MYO18B: variants seen among roughly 807,000 people sequenced by gnomAD.
MYO18B encodes the protein myosin XVIIIB.
In MYO18B, 204 loss-of-function variants were observed where a neutral mutation model predicts 273.0. The ratio of observed to expected loss-of-function variants is 0.75; its 90% CI spans 0.67 to 0.84. MYO18B has a LOEUF of 0.84. Ranked by LOEUF, MYO18B falls within the 40% of genes least tolerant of loss-of-function variation. MYO18B has a pLI of 0.00. For synonymous variants in MYO18B, 1,330 were observed against 1,305.7 expected (o/e 1.02, Z -0.40); for missense variants, 3,212 against 3,287.6 (o/e 0.98, Z 0.56).
intron 12 of MYO18B, among the ~76,000 whole-genome samples, chr22:25,803,171 G>T (rs1490110458): frequency 6.6e-6 from 1 of 151,154 alleles, no homozygotes; most frequent in Non-Finnish European, 1.5e-5. Context: ...CACTGTATTA[G>T]CCAGGATGGT....
At chr22:25,897,225 T>C (rs2091826530) in intron 28 of MYO18B, 1 of 152,244 alleles carries the variant, frequency 6.6e-6, no homozygotes, top group African/African-American at 2.4e-5. Flanking sequence ...CCATTCGATA[T>C]CGGAGCCATA....
At chr22:25,789,283 A>C (rs1404908436) in intron 11 of MYO18B, among the ~76,000 whole-genome samples, 1 of 151,624 alleles carries the variant, frequency 6.6e-6, no homozygotes, top group East Asian at 1.9e-4. Context: ...TACTGAATTT[A>C]TCTCTATTCT....
intron 25 of MYO18B, among the ~76,000 whole-genome samples, chr22:25,886,718 G>A (rs1017004796): frequency 1.3e-5 from 2 of 152,186 alleles, no homozygotes; most frequent in Non-Finnish European, 2.9e-5. Context: ...GAGGGGTGAG[G>A]GAGGTCAAAG....
intron 6 of MYO18B, among the ~76,000 whole-genome samples, chr22:25,771,579 C>A (rs2086722231): frequency 1.3e-5 from 2 of 152,118 alleles, no homozygotes; most frequent in South Asian, 4.1e-4. Context: ...AGCCTGCTAT[C>A]TTAGGAGTTT....
intron 12 of MYO18B, among the ~76,000 whole-genome samples, chr22:25,809,564 C>T (rs913049697): frequency 4.6e-5 from 7 of 152,264 alleles, no homozygotes; most frequent in African/African-American, 1.4e-4. Context: ...CGAGGTGCCC[C>T]ATGATGGGGT....
Position 25,884,173 on chromosome 22 carries a change from T to C in MYO18B, c.4314+6125T>C, listed in dbSNP as rs899733566. Among the ~76,000 whole-genome samples, 11 of 152,236 alleles carry C rather than the reference T, an allele frequency of 7.2e-5. No homozygotes were observed. The East Asian group carries it at 2.1e-3, about 29-fold the overall frequency. ...ACAATCCACTGACGGGGACTGCAGA[T>C]GTATGTAGGTCAGAAAGTCTATTTG... On this transcript the variant is annotated intron_variant, in intron 25 of 43. Transcript: ENST00000335473.
chr22:25,777,685 G>A lies in MYO18B; in HGVS notation c.1972G>A (p.Ala658Thr). 1 of 1,613,202 alleles carries A rather than the reference G, an allele frequency of 6.2e-7. No individual in the cohort carries two copies. Among genetic ancestry groups the A allele is most frequent in the Admixed American group, 1.7e-5 (1 of 59,934 alleles). ...LNQRRDQSIV[A>T]LGWSGAGKTT... is the part of the protein sequence containing the mutation. ...CCAGCGGAGAGACCAGAGCATTGTG[G>A]CCCTGGGCTGGAGTGGCGCTGGGAA... is the stretch of plus-strand genomic sequence containing the variant. Residue 658 changes from alanine (A) to threonine (T), a missense_variant, in exon 8 of 44, where the codon GCC becomes ACC. By Grantham distance (58) the Ala-to-Thr change is moderately conservative (BLOSUM62 0). Transcript: ENST00000335473.
At chr22:25,785,314 C>T in intron 10 of MYO18B, 114 bp from the exon 11 acceptor site, 1 of 936,352 alleles carries the variant, frequency 1.1e-6, no homozygotes, top group Non-Finnish European at 1.6e-6. Flanking sequence ...GGGACAGGGA[C>T]AGCCCCTGGG....
At chr22:25,973,025 A>G (rs961586736) in intron 39 of MYO18B, among the ~76,000 whole-genome samples, 4 of 151,076 alleles carry the variant, frequency 2.6e-5, no homozygotes, top group Admixed American at 1.3e-4. Context: ...AATCCACTAC[A>G]CAATTTAGCT....
intron 21 of MYO18B, among the ~76,000 whole-genome samples, chr22:25,859,744 T>C (rs139447651): frequency 6.6e-6 from 1 of 152,336 alleles, no homozygotes; most frequent in African/African-American, 2.4e-5. Flanking sequence ...TAGTTCTTTA[T>C]TTGTTCTAGA....
chr22:26,057,957 T>A, the MYO18B span, among the ~76,000 whole-genome samples: 1 of 152,108 alleles, frequency 6.6e-6, no homozygotes, highest in Admixed American at 6.6e-5. Flanking sequence ...ACATTACTAA[T>A]CAATCATGGA....
At position 25,874,254 on chromosome 22, in the gene MYO18B, G is replaced by A. The variant is rs755051062; in HGVS notation, c.3952-32G>A. 2.5e-6 allele frequency: 4 copies of A among 1,613,320 alleles called. No homozygotes were observed. The Admixed American group carries it at 5.0e-5, about 20-fold the overall frequency. On this transcript the variant is annotated intron_variant, in intron 22 of 43. Transcript: ENST00000335473. ...CCATTGTAGACAGCCTTCTTCAGCA[G>A]AGGACTCACCTGAAACCTTCCCTCT...
Position 25,763,062 on chromosome 22 carries a change from C to A in MYO18B, c.40-169C>A, listed in dbSNP as rs1234505110. On this transcript the variant is annotated intron_variant, in intron 2 of 43. Transcript: ENST00000335473. ...ATTTTCATGCGCTGTCTCAGGGACC[C>A]CCCTGAGTCGTGCTGGGCCTCACCT... The A allele has an allele frequency of 1.3e-5, 10 of 797,594 alleles. 1 individual carries two copies. Among genetic ancestry groups the A allele is most frequent in the Middle Eastern group, 2.2e-4 (1 of 4,462 alleles). 49.4% of individuals were successfully genotyped at this position (797,594 alleles called of 1,614,324 possible).
intron 34 of MYO18B, among the ~76,000 whole-genome samples, chr22:25,930,425 G>A (rs1184132082): frequency 1.3e-5 from 2 of 151,590 alleles, no homozygotes; most frequent in African/African-American, 4.8e-5. Context: ...ATCCGACTCA[G>A]GTACCTGGGA....
At chr22:25,907,979 G>T (rs1480550458) in intron 31 of MYO18B, among the ~76,000 whole-genome samples, 1 of 149,902 alleles carries the variant, frequency 6.7e-6, no homozygotes, top group Non-Finnish European at 1.5e-5. Context: ...GTTGTGGTGA[G>T]CCGAGATTGC....
chr22:26,015,413 A>G (rs1396343079), intron 42 of MYO18B, among the ~76,000 whole-genome samples: 3 of 152,214 alleles, frequency 2.0e-5, no homozygotes, highest in South Asian at 2.1e-4. Flanking sequence ...ATGCCCATCA[A>G]TGGTAGACTG....
intron 11 of MYO18B, among the ~76,000 whole-genome samples, chr22:25,786,114 C>T (rs963766920): frequency 6.6e-5 from 10 of 152,172 alleles, no homozygotes; most frequent in Non-Finnish European, 1.3e-4. Context: ...TCCCTTCTCT[C>T]GCAAATACCT....
In MYO18B at chr22:25,768,528, C is replaced by T; in HGVS notation, c.612C>T (p.Ala204=). The change falls in exon 4 of 44, where the codon GCC becomes GCT. Residue 204 remains alanine (A), a synonymous_variant. Coordinates refer to ENST00000335473, the MANE Select transcript of MYO18B (RefSeq NM_032608.7). ...ETSRTPCGSQ[A]STEILAPKAE... ...CTAGGACTCCTTGTGGCTCCCAGGCCAGCACCGAGATCTTGGCCCCGAAAG... is the reference window on the plus strand; with the variant it reads ...CTAGGACTCCTTGTGGCTCCCAGGCTAGCACCGAGATCTTGGCCCCGAAAG... 7 of 1,561,236 alleles carry T rather than the reference C, an allele frequency of 4.5e-6. No individual in the cohort carries two copies. Among genetic ancestry groups the T allele is most frequent in the Non-Finnish European group, 1.7e-6 (2 of 1,156,198 alleles).
At chr22:25,801,633 A>T (rs1487833585) in intron 12 of MYO18B, among the ~76,000 whole-genome samples, 1 of 152,188 alleles carries the variant, frequency 6.6e-6, no homozygotes, top group Non-Finnish European at 1.5e-5. Flanking sequence ...ACAGAGGCTC[A>T]GAGAAGGTAT....
Sources: gnomAD v4.1 joint callset for allele counts (sites outside exome capture counted in the v4.1 genomes callset) on GRCh38, gnomAD v4.1.1 for gene constraint, MANE v1.5 for transcripts, NCBI Gene and HGNC (gene_info 2026-07-23, HGNC 2026-07-21) for gene names.